SEPTIN9: variants seen among roughly 807,000 people sequenced by gnomAD.
SEPTIN9 encodes the protein septin 9.
A neutral mutation model predicts 56.6 loss-of-function variants in SEPTIN9; 13 were observed. The ratio of observed to expected loss-of-function variants is 0.23; its 90% CI spans 0.15 to 0.37. The LOEUF is 0.37. Among genes scored for constraint, SEPTIN9 ranks in the 10% least tolerant of loss-of-function variants. The pLI is 1.00. For missense variants in SEPTIN9, 650 were observed against 823.1 expected (o/e 0.79, Z 2.57); for synonymous variants, 332 against 334.1 (o/e 0.99, Z 0.07).
At position 77,429,112 on chromosome 17, in the gene SEPTIN9, T is replaced by A. The variant is rs985694907; in HGVS notation, c.721+26409T>A. 2 of 471,432 alleles carry A rather than the reference T, an allele frequency of 4.2e-6. No homozygotes were observed. Among genetic ancestry groups the A allele is most frequent in the Middle Eastern group, 3.2e-4 (1 of 3,104 alleles). 29.2% of individuals were successfully genotyped at this position (471,432 alleles called of 1,614,324 possible). On this transcript the variant is annotated intron_variant, in intron 3 of 11. Coordinates refer to ENST00000427177, the MANE Select transcript of SEPTIN9 (RefSeq NM_001113491.2). The surrounding 1 kb of genome is among the most constrained non-coding windows in gnomAD (Gnocchi z 5.2). ...TGCCCCAGCTCCGTGTCCTCCGGTG[T>A]GTGTGAGGCCAAGCTCCTGGGGTGG...
rs2036014258 is a variant in SEPTIN9, at chr17:77,404,935, G to T, written c.721+2232G>T. ...AAAGGCATGGGCAGTTTGCAGAGTG[G>T]CAGGAGGCTGTTTCCTCCCCTGCCT... is the stretch of plus-strand genomic sequence containing the variant. On this transcript the variant is annotated intron_variant, in intron 3 of 11. Transcript: ENST00000427177. 8 of 688,140 alleles carry T rather than the reference G, an allele frequency of 1.2e-5. No individual in the cohort carries two copies. In the East Asian group the frequency reaches 2.3e-4, roughly 19 times the overall value. The allele number at this position is 688,140 out of a possible 1,614,324, so 42.6% of individuals were successfully genotyped here. A position where few individuals can be genotyped will look rare whatever the true frequency, so the allele number is the denominator to read the frequency against.
Position 77,327,831 on chromosome 17 carries a change from C to T in SEPTIN9, c.76+20634C>T, listed in dbSNP as rs911562641. On this transcript the variant is annotated intron_variant, in intron 2 of 11. Coordinates refer to ENST00000427177, the MANE Select transcript of SEPTIN9 (RefSeq NM_001113491.2). This position sits in a 1 kb window ranked among gnomAD's most constrained non-coding sequence, Gnocchi z 5.0. ...AGAGGCACTGGCTCTGAAACTTTGC[C>T]ATGAAAGCTTGAAAATGCTCTTTGG... is the stretch of plus-strand genomic sequence containing the variant. Among the ~76,000 whole-genome samples the T allele has an allele frequency of 9.9e-5, 15 of 152,206 alleles. No homozygotes were observed. The highest frequency in any genetic ancestry group is 2.2e-4 in the Non-Finnish European group (15 of 68,036).
chr17:77,477,541 G>A (rs923088765), intron 3 of SEPTIN9, among the ~76,000 whole-genome samples: 3 of 152,200 alleles, frequency 2.0e-5, no homozygotes, highest in African/African-American at 4.8e-5. Flanking sequence ...ATCTGTTGGC[G>A]GATGTGTTAG....
At chr17:77,379,228 C>G (rs1394863382) in intron 2 of SEPTIN9, among the ~76,000 whole-genome samples, 1 of 152,064 alleles carries the variant, frequency 6.6e-6, no homozygotes, top group Admixed American at 6.5e-5. Flanking sequence ...TACCCCTACA[C>G]TGGGCCCGGG....
intron 3 of SEPTIN9, among the ~76,000 whole-genome samples, chr17:77,420,909 C>T (rs1179487087): frequency 6.6e-6 from 1 of 152,232 alleles, no homozygotes; most frequent in African/African-American, 2.4e-5. Context: ...CCAACAGTTA[C>T]TTTCATCATC....
In SEPTIN9 at chr17:77,457,481, C is replaced by T. The variant is rs773353091; in HGVS notation, c.722-24663C>T. ...CAGAGGTGCCGGAGCAGACGTTAAG[C>T]GAGTTCCGTGTTTATGCGCTGGGCC... On this transcript the variant is annotated intron_variant, in intron 3 of 11. Transcript: ENST00000427177. Among the ~76,000 whole-genome samples the T allele has an allele frequency of 4.6e-5, 7 of 152,294 alleles. No individual in the cohort carries two copies. In the South Asian group the frequency reaches 6.2e-4, roughly 14 times the overall value.
At chr17:77,315,151 C>T (rs1209027034) in intron 2 of SEPTIN9, among the ~76,000 whole-genome samples, 1 of 152,152 alleles carries the variant, frequency 6.6e-6, no homozygotes, top group Non-Finnish European at 1.5e-5. Context: ...TCCGTGAGGG[C>T]CGGGCCGTGT....
At position 77,492,872 on chromosome 17, in the gene SEPTIN9, C is replaced by G; in HGVS notation, c.1477-108C>G. The G allele has an allele frequency of 8.1e-7, 1 of 1,234,928 alleles. No individual in the cohort carries two copies. Among genetic ancestry groups the G allele is most frequent in the Non-Finnish European group, 1.2e-6 (1 of 849,930 alleles). 76.5% of individuals were successfully genotyped at this position (1,234,928 alleles called of 1,614,324 possible). The stretch of plus-strand genomic sequence containing the variant: ...TGTACCCAGTGCTGTCAGGCTGAGG[C>G]TCTCGTTTTTGGGGGACCCCAGGCT... On this transcript the variant is annotated intron_variant, in intron 9 of 11. Transcript: ENST00000427177. The surrounding 1 kb of genome is among the most constrained non-coding windows in gnomAD (Gnocchi z 5.4).
At chr17:77,314,517 G>A (rs192890637) in intron 2 of SEPTIN9, among the ~76,000 whole-genome samples, 4 of 152,140 alleles carry the variant, frequency 2.6e-5, no homozygotes, top group Admixed American at 6.5e-5. Flanking sequence ...GAGGTTGTGC[G>A]TCCTCTATAG....
intron 2 of SEPTIN9, among the ~76,000 whole-genome samples, chr17:77,332,267 AC>A (rs1598206065): frequency 6.7e-6 from 1 of 150,026 alleles, no homozygotes; most frequent in African/African-American, 2.5e-5. Flanking sequence ...ACAGAACAAA[AC>A]CCTGTCTCAA....
chr17:77,444,932 G>A (rs1238675602), intron 3 of SEPTIN9: 1 of 366,256 alleles, frequency 2.7e-6, no homozygotes, highest in East Asian at 7.6e-5. Flanking sequence ...CAAAGGAAGA[G>A]GGTTTGCTTG....
chr17:77,451,928 A>G lies in SEPTIN9; in HGVS notation c.722-30216A>G, dbSNP rs578039083. ...ATTCGAATTGGCCACCGCTTTCTCT[A>G]AAATCACTCCGCTCAAGTTATCACC... On this transcript the variant is annotated intron_variant, in intron 3 of 11. Coordinates refer to ENST00000427177, the MANE Select transcript of SEPTIN9 (RefSeq NM_001113491.2). The surrounding 1 kb of genome is among the most constrained non-coding windows in gnomAD (Gnocchi z 4.2). Among the ~76,000 whole-genome samples the G allele has an allele frequency of 7.2e-5, 11 of 152,272 alleles. No homozygotes were observed. The highest frequency in any genetic ancestry group is 2.6e-4 in the African/African-American group (11 of 41,566).
chr17:77,482,166 C>T lies in SEPTIN9; in HGVS notation c.744C>T (p.Cys248=), dbSNP rs376862408. 4.4e-6 allele frequency: 7 copies of T among 1,591,688 alleles called. No homozygotes were observed. Among genetic ancestry groups the T allele is most frequent in the Admixed American group, 1.8e-5 (1 of 55,858 alleles). ...CAGCCACTGAGGCGGCTCCCAGCTG[C>T]GTTGGCGACATGGCCGACACCCCCA... ...SQEATEAAPS[C]VGDMADTPRD... is the part of the protein sequence containing the mutation. The change falls in exon 4 of 12, where the codon TGC becomes TGT. Residue 248 remains cysteine, a synonymous_variant. Transcript: ENST00000427177.
In SEPTIN9 at chr17:77,492,295, G is replaced by C. The variant is rs2040064390; in HGVS notation, c.1381-326G>C. Among the ~76,000 whole-genome samples the C allele has an allele frequency of 6.6e-6, 1 of 152,052 alleles. No individual in the cohort carries two copies. The highest frequency in any genetic ancestry group is 6.5e-5 in the Admixed American group (1 of 15,272). Reference sequence around the variant, plus strand: ...ACTGTGACGAGGGTTTTTTAGGAAGGGTTTCAGGAGGGGAGGTCTCGGTAA... The same window carrying C: ...ACTGTGACGAGGGTTTTTTAGGAAGCGTTTCAGGAGGGGAGGTCTCGGTAA... On this transcript the variant is annotated intron_variant, in intron 8 of 11. Coordinates refer to ENST00000427177, the MANE Select transcript of SEPTIN9 (RefSeq NM_001113491.2). The surrounding 1 kb of genome is among the most constrained non-coding windows in gnomAD (Gnocchi z 5.4).
intron 3 of SEPTIN9, among the ~76,000 whole-genome samples, chr17:77,438,088 G>C (rs1332982118): frequency 6.6e-6 from 1 of 152,238 alleles, no homozygotes; most frequent in Non-Finnish European, 1.5e-5. Flanking sequence ...CCTGCAGGGG[G>C]GTGCTCCTGG....
chr17:77,344,876 G>T (rs755041993), intron 2 of SEPTIN9, among the ~76,000 whole-genome samples: 2 of 150,910 alleles, frequency 1.3e-5, no homozygotes, highest in Non-Finnish European at 2.9e-5. Context: ...GGAGGCTGAG[G>T]CAGGAGAATC....
intron 3 of SEPTIN9, among the ~76,000 whole-genome samples, chr17:77,424,447 A>G (rs1271999213): frequency 6.6e-6 from 1 of 152,176 alleles, no homozygotes; most frequent in Non-Finnish European, 1.5e-5. Flanking sequence ...TCCACGGCCC[A>G]CCTGGGTGGG....
chr17:77,413,967 CTT>C (rs1201814435), intron 3 of SEPTIN9, among the ~76,000 whole-genome samples: 1 of 141,152 alleles, frequency 7.1e-6, no homozygotes, highest in East Asian at 2.1e-4. Flanking sequence ...TCCCCTCTCT[CTT>C]TTTTTCTTTT....
chr17:77,319,585 C>T lies in SEPTIN9; in HGVS notation c.76+12388C>T, dbSNP rs900865569. 110 of 1,059,722 alleles carry T rather than the reference C, an allele frequency of 1.0e-4. No individual in the cohort carries two copies. Among genetic ancestry groups the T allele is most frequent in the Non-Finnish European group, 1.2e-4 (102 of 875,920 alleles). The allele number at this position is 1,059,722 out of a possible 1,614,324, so 65.6% of individuals were successfully genotyped here. A position where few individuals can be genotyped will look rare whatever the true frequency, so the allele number is the denominator to read the frequency against. On this transcript the variant is annotated intron_variant, in intron 2 of 11. Coordinates refer to ENST00000427177, the MANE Select transcript of SEPTIN9 (RefSeq NM_001113491.2). The surrounding 1 kb of genome is among the most constrained non-coding windows in gnomAD (Gnocchi z 5.3). The stretch of plus-strand genomic sequence containing the variant: ...CAGGGTTCCTCCTGGGCAGGTGCTC[C>T]GGAACCTTTTCTCAGCACGCTGGCC...
Sources: allele counts gnomAD v4.1 joint callset (sites outside exome capture counted in the v4.1 genomes callset), GRCh38; gene constraint gnomAD v4.1.1; non-coding constraint Gnocchi (gnomAD v3.1); transcripts MANE v1.5; gene names NCBI Gene and HGNC (gene_info 2026-07-23, HGNC 2026-07-21).